Variants in GTF2F2 observed in about 807,000 individuals in gnomAD.
GTF2F2 encodes general transcription factor IIF subunit 2.
A neutral mutation model predicts 42.2 loss-of-function variants in GTF2F2; 23 were observed. The observed-to-expected ratio is 0.55, with a 90% CI of 0.39 to 0.77. The LOEUF is 0.77. Among genes scored for constraint, GTF2F2 ranks in the 30% least tolerant of loss-of-function variants. GTF2F2 has a pLI of 0.00. For synonymous variants in GTF2F2, 105 were observed against 100.8 expected (o/e 1.04, Z -0.25); for missense variants, 261 against 287.2 (o/e 0.91, Z 0.66).
At chr13:45,122,673 C>T (rs1868719715) in intron 1 of GTF2F2, among the ~76,000 whole-genome samples, 1 of 151,936 alleles carries the variant, frequency 6.6e-6, no homozygotes, top group Non-Finnish European at 1.5e-5. Context: ...TAATTTGTTG[C>T]TTAGAAAGTG....
intron 5 of GTF2F2, chr13:45,219,389 C>G (rs2138202914): frequency 6.6e-6 from 1 of 152,282 alleles, no homozygotes; most frequent in Non-Finnish European, 1.5e-5. Flanking sequence ...CTGGTACTGT[C>G]TCTCTCCTCC....
At chr13:45,232,068 C>G (rs1471242489) in intron 5 of GTF2F2, among the ~76,000 whole-genome samples, 1 of 152,150 alleles carries the variant, frequency 6.6e-6, no homozygotes, top group African/African-American at 2.4e-5. Flanking sequence ...ATTCCATTGG[C>G]ACTTATCACA....
intron 5 of GTF2F2, among the ~76,000 whole-genome samples, chr13:45,246,969 C>T (rs1248720425): frequency 6.7e-6 from 1 of 149,952 alleles, no homozygotes; most frequent in Non-Finnish European, 1.5e-5. Flanking sequence ...ACCCGGGAGG[C>T]GGAGCTTGCA....
intron 5 of GTF2F2, among the ~76,000 whole-genome samples, chr13:45,223,984 T>C (rs1219191505): frequency 6.6e-6 from 1 of 152,240 alleles, no homozygotes; most frequent in Non-Finnish European, 1.5e-5. Flanking sequence ...TTCACTTTAA[T>C]GAATGAATAT....
At chr13:45,212,467 C>CTTTTCTTTTCTTTTCTTTTCT (rs371132076) in intron 5 of GTF2F2, among the ~76,000 whole-genome samples, 771 of 55,104 alleles carry the variant, frequency 0.014, 23 homozygotes, top group African/African-American at 0.018. Context: ...TTCTTTCTTT[C>CTTTTCTTTTCTTTTCTTTTCT]TTTCTTTCTT....
intron 6 of GTF2F2, among the ~76,000 whole-genome samples, chr13:45,256,186 G>A (rs1371888139): frequency 2.0e-5 from 3 of 152,054 alleles, no homozygotes; most frequent in South Asian, 2.1e-4. Context: ...CAGTGAGCAC[G>A]TATTGCCTGA....
intron 7 of GTF2F2, among the ~76,000 whole-genome samples, chr13:45,273,654 A>ATTTTTTT (rs1331934269): frequency 9.0e-6 from 1 of 110,830 alleles, no homozygotes; most frequent in African/African-American, 5.0e-5. Flanking sequence ...AGAGTGGTAA[A>ATTTTTTT]ATTTTTTTTT....
chr13:45,247,296 G>A (rs1393068533), intron 5 of GTF2F2, among the ~76,000 whole-genome samples: 6 of 151,824 alleles, frequency 4.0e-5, no homozygotes, highest in Non-Finnish European at 7.4e-5. Context: ...CTGGTATCAC[G>A]CCACTGCACT....
intron 1 of GTF2F2, chr13:45,124,077 C>A: frequency 1.1e-6 from 1 of 946,146 alleles, no homozygotes; most frequent in Non-Finnish European, 1.7e-6. Flanking sequence ...AATTCATTGT[C>A]TTACCAGGAA....
At chr13:45,184,030 A>T (rs1356745799) in intron 4 of GTF2F2, among the ~76,000 whole-genome samples, 4 of 151,040 alleles carry the variant, frequency 2.6e-5, no homozygotes, top group Non-Finnish European at 4.4e-5. Context: ...TAATTATTGT[A>T]TTTTTTTTAG....
At chr13:45,145,398 A>G (rs1296225826) in intron 2 of GTF2F2, among the ~76,000 whole-genome samples, 6 of 152,182 alleles carry the variant, frequency 3.9e-5, no homozygotes, top group Admixed American at 2.0e-4. Context: ...GGGGTTGGCC[A>G]TGGTTCCTTT....
chr13:45,156,162 G>A (rs1474156706), intron 4 of GTF2F2, among the ~76,000 whole-genome samples: 3 of 152,250 alleles, frequency 2.0e-5, no homozygotes. Context: ...CTGTTCAATA[G>A]ATATTTTTGG....
chr13:45,229,481 A>T (rs1220361371), intron 5 of GTF2F2, among the ~76,000 whole-genome samples: 1 of 152,042 alleles, frequency 6.6e-6, no homozygotes, highest in Non-Finnish European at 1.5e-5. Flanking sequence ...AGCTGTTGGG[A>T]GATGGTAGAA....
At chr13:45,227,301 T>G (rs566769197) in intron 5 of GTF2F2, among the ~76,000 whole-genome samples, 2 of 152,344 alleles carry the variant, frequency 1.3e-5, no homozygotes, top group East Asian at 3.9e-4. Context: ...ATTTTCATAT[T>G]CAATTAAAAA....
At chr13:45,206,236 G>A (rs937755844) in intron 4 of GTF2F2, 1 of 152,036 alleles carries the variant, frequency 6.6e-6, no homozygotes, top group African/African-American at 2.4e-5. Flanking sequence ...TAATTAGTTC[G>A]TACAGAGTCT....
chr13:45,165,329 ATAT>A (rs1183683931), intron 4 of GTF2F2, among the ~76,000 whole-genome samples: 2 of 129,722 alleles, frequency 1.5e-5, no homozygotes, highest in African/African-American at 6.0e-5. Context: ...ATATATATAT[ATAT>A]TTTTTTTTTC....
Position 45,167,328 on chromosome 13 carries a change from T to C in GTF2F2, c.304+15497T>C, listed in dbSNP as rs537027486. Among the ~76,000 whole-genome samples the C allele has an allele frequency of 3.3e-5, 5 of 149,818 alleles. No homozygotes were observed. In the South Asian group the frequency reaches 8.5e-4, roughly 26 times the overall value. On this transcript the variant is annotated intron_variant, in intron 4 of 7. Transcript: ENST00000340473. Reference sequence around the variant, plus strand: ...CGGCTCACTGCAACCCCCGCCTCCCTGCCTCAGCCTCCCAAATAAATGTTA... The same window carrying C: ...CGGCTCACTGCAACCCCCGCCTCCCCGCCTCAGCCTCCCAAATAAATGTTA...
chr13:45,257,808 G>A (rs1342152531), intron 6 of GTF2F2, among the ~76,000 whole-genome samples: 8 of 152,156 alleles, frequency 5.3e-5, no homozygotes, highest in Admixed American at 3.9e-4. Flanking sequence ...CTAGTCGGTC[G>A]TTTTTCAGCA....
intron 1 of GTF2F2, 126 bp from the exon 2 acceptor site, chr13:45,136,607 A>T: frequency 1.7e-6 from 1 of 582,828 alleles, no homozygotes; most frequent in Non-Finnish European, 3.0e-6. Flanking sequence ...TGTAAAACAT[A>T]CAGTAGTAAC....
Sources: gnomAD v4.1 joint callset for allele counts (sites outside exome capture counted in the v4.1 genomes callset) on GRCh38, gnomAD v4.1.1 for gene constraint, MANE v1.5 for transcripts, NCBI Gene and HGNC (gene_info 2026-07-23, HGNC 2026-07-21) for gene names.